VAV3: variants seen among roughly 807,000 people sequenced by gnomAD.
VAV3 encodes the protein guanine nucleotide exchange factor VAV3.
In VAV3, 94 loss-of-function variants were observed where a neutral mutation model predicts 131.2. The ratio of observed to expected loss-of-function variants is 0.72; its 90% CI spans 0.61 to 0.85. The LOEUF is 0.85. VAV3 is among the 40% of genes least tolerant of loss of function. VAV3 has a pLI of 0.00. For missense variants in VAV3, 939 were observed against 1,002.7 expected, an observed-to-expected ratio of 0.94 and a Z score of 0.86; for synonymous variants, 349 against 342.0, an observed-to-expected ratio of 1.02 and a Z score of -0.22.
intron 2 of VAV3, among the ~76,000 whole-genome samples, chr1:107,831,273 T>C (rs1446307007): frequency 6.6e-6 from 1 of 152,130 alleles, no homozygotes; most frequent in Admixed American, 6.5e-5. Context: ...ATATATGACA[T>C]ATATCTCTAT....
intron 25 of VAV3, among the ~76,000 whole-genome samples, chr1:107,590,075 C>A (rs1241101346): frequency 6.6e-6 from 1 of 152,204 alleles, no homozygotes; most frequent in Non-Finnish European, 1.5e-5. Context: ...AAAGAGACCA[C>A]ACCCAGGGAG....
intron 6 of VAV3, among the ~76,000 whole-genome samples, 194 bp downstream of exon 6, chr1:107,770,442 T>C (rs1664977268): frequency 6.6e-6 from 1 of 152,214 alleles, no homozygotes; most frequent in Non-Finnish European, 1.5e-5. Context: ...CCTTAGTCCC[T>C]GAAACAGTGC....
At chr1:107,951,521 CAGAGT>C (rs1263944165) in intron 1 of VAV3, among the ~76,000 whole-genome samples, 1 of 152,112 alleles carries the variant, frequency 6.6e-6, no homozygotes, top group African/African-American at 2.4e-5. Flanking sequence ...AAACTCTCAA[CAGAGT>C]AAAGAGACAA....
intron 25 of VAV3, among the ~76,000 whole-genome samples, chr1:107,593,709 A>G (rs995562817): frequency 1.3e-5 from 2 of 152,142 alleles, no homozygotes; most frequent in African/African-American, 4.8e-5. Flanking sequence ...AAATAGAAGC[A>G]GTCTTTCTTT....
At chr1:107,776,857 CCA>C (rs1291002552) in intron 4 of VAV3, among the ~76,000 whole-genome samples, 1 of 152,178 alleles carries the variant, frequency 6.6e-6, no homozygotes, top group Non-Finnish European at 1.5e-5. Context: ...TAGCTCCAAC[CCA>C]CACTTATCTC....
intron 1 of VAV3, among the ~76,000 whole-genome samples, chr1:107,891,472 T>A (rs1303814027): frequency 1.3e-5 from 2 of 152,066 alleles, no homozygotes; most frequent in Non-Finnish European, 2.9e-5. Context: ...ACAAAAGACC[T>A]GGATGCAAAT....
intron 2 of VAV3, among the ~76,000 whole-genome samples, chr1:107,847,100 G>T (rs1233882918): frequency 6.6e-6 from 1 of 151,950 alleles, no homozygotes; most frequent in Admixed American, 6.6e-5. Context: ...CTCAAATCAG[G>T]ACTCAGGATT....
At chr1:107,713,116 T>A (rs1327412444) in intron 15 of VAV3, among the ~76,000 whole-genome samples, 1 of 152,204 alleles carries the variant, frequency 6.6e-6, no homozygotes, top group Non-Finnish European at 1.5e-5. Flanking sequence ...ATGCCTATGA[T>A]GTGCCATGAA....
chr1:107,683,092 G>A (rs1375287295), intron 19 of VAV3, among the ~76,000 whole-genome samples: 3 of 152,180 alleles, frequency 2.0e-5, no homozygotes, highest in Non-Finnish European at 4.4e-5. Context: ...CTGATGGAGG[G>A]TGGGTACCAG....
intron 2 of VAV3, among the ~76,000 whole-genome samples, chr1:107,813,264 C>T (rs2102336881): frequency 6.6e-6 from 1 of 152,128 alleles, no homozygotes; most frequent in East Asian, 1.9e-4. Flanking sequence ...AAAGGAGAGA[C>T]AAGCTACACT....
At chr1:107,847,227 G>T (rs1557879837) in intron 2 of VAV3, among the ~76,000 whole-genome samples, 1 of 152,076 alleles carries the variant, frequency 6.6e-6, no homozygotes, top group African/African-American at 2.4e-5. Context: ...AAACCAATAA[G>T]AACAAAGAAA....
chr1:107,801,295 G>A (rs1307221424), intron 2 of VAV3, among the ~76,000 whole-genome samples: 1 of 152,006 alleles, frequency 6.6e-6, no homozygotes, highest in Non-Finnish European at 1.5e-5. Flanking sequence ...GCTATTCAAG[G>A]TCATTTGGGG....
chr1:107,889,709 T>C (rs1275824899), intron 1 of VAV3, among the ~76,000 whole-genome samples: 1 of 152,202 alleles, frequency 6.6e-6, no homozygotes, highest in African/African-American at 2.4e-5. Context: ...TATAAATACC[T>C]ACTTAGAGAG....
intron 19 of VAV3, among the ~76,000 whole-genome samples, chr1:107,680,677 T>C (rs1658538126): frequency 6.6e-6 from 1 of 152,018 alleles, no homozygotes; most frequent in South Asian, 2.1e-4. Flanking sequence ...CTCCCAAAGT[T>C]CTAGGATTAC....
chr1:107,624,088 T>G (rs914585152), intron 20 of VAV3, among the ~76,000 whole-genome samples: 2 of 152,128 alleles, frequency 1.3e-5, no homozygotes, highest in Non-Finnish European at 2.9e-5. Context: ...TCTCTGAAAT[T>G]TTGGCAGATG....
At chr1:107,691,366 G>A (rs909079964) in intron 17 of VAV3, among the ~76,000 whole-genome samples, 2 of 151,988 alleles carry the variant, frequency 1.3e-5, no homozygotes, top group African/African-American at 2.4e-5. Context: ...CTTCCTTTTG[G>A]TATCCACCTG....
intron 25 of VAV3, among the ~76,000 whole-genome samples, chr1:107,584,918 T>C (rs1240558756): frequency 6.6e-6 from 1 of 152,198 alleles, no homozygotes; most frequent in Non-Finnish European, 1.5e-5. Context: ...TTGGCAGACA[T>C]GTATTATATT....
intron 24 of VAV3, among the ~76,000 whole-genome samples, chr1:107,601,811 G>A (rs1358191420): frequency 6.6e-6 from 1 of 151,966 alleles, no homozygotes; most frequent in African/African-American, 2.4e-5. Context: ...TTATTCATTT[G>A]ATGTGATTTG....
intron 25 of VAV3, among the ~76,000 whole-genome samples, chr1:107,591,484 G>T (rs1650948998): frequency 6.6e-6 from 1 of 152,130 alleles, no homozygotes; most frequent in Non-Finnish European, 1.5e-5. Context: ...CACAGGTAAG[G>T]AACGGATGGC....
Sources: allele counts gnomAD v4.1 joint callset (sites outside exome capture counted in the v4.1 genomes callset), GRCh38; gene constraint gnomAD v4.1.1; transcripts MANE v1.5; gene names NCBI Gene and HGNC (gene_info 2026-07-23, HGNC 2026-07-21).